The following ADGRG1 variants were observed in gnomAD, a reference collection of about 807,000 sequenced individuals.
ADGRG1 encodes the protein adhesion G protein-coupled receptor G1.
In ADGRG1, 53 loss-of-function variants were observed where a neutral mutation model predicts 73.5. That is an observed-to-expected ratio of 0.72 (90% CI 0.58 to 0.91). The LOEUF (loss-of-function observed/expected upper bound fraction) is 0.91. ADGRG1 is among the 40% of genes least tolerant of loss of function. The probability of loss-of-function intolerance (pLI) is 0.00; values close to 1 mark genes in which losing one functional copy is unlikely to be tolerated. For missense variants in ADGRG1, 795 were observed against 871.8 expected (o/e 0.91, Z 1.11); for synonymous variants, 394 against 374.4 (o/e 1.05, Z -0.60).
intron 1 of ADGRG1, chr16:57,636,720 T>G: frequency 1.0e-6 from 1 of 984,056 alleles, no homozygotes; most frequent in South Asian, 4.7e-5. Flanking sequence ...GTCTCAGTCT[T>G]CATTTACTCA....
At position 57,655,442 on chromosome 16, in the gene ADGRG1, G is replaced by A. The variant is rs575567117; in HGVS notation, c.812G>A (p.Arg271Gln). ...EIMEYSVLLP[R>Q]TLFQRTKGRS... is the part of the protein sequence containing the mutation. ...ATGGAGTACTCGGTGCTGCTGCCTC[G>A]AACACTCTTCCAGAGGACGAAAGGC... The change falls in exon 6 of 14, where the codon CGA (arginine) becomes CAA (glutamine). Residue 271 changes from arginine (R) to glutamine (Q), a missense_variant. Physicochemically the swap from Arg to Gln is conservative, Grantham distance 43. Transcript: ENST00000562631. 33 of 1,613,724 alleles carry A rather than the reference G, an allele frequency of 2.0e-5. No individual in the cohort carries two copies. The highest frequency in any genetic ancestry group is 1.9e-4 in the African/African-American group (14 of 75,022).
intron 5 of ADGRG1, 54 bp from the exon 6 acceptor site, chr16:57,655,345 G>A (rs2045431657): frequency 1.9e-6 from 3 of 1,604,170 alleles, no homozygotes; most frequent in Non-Finnish European, 1.7e-6. Flanking sequence ...GCTAGGGTGG[G>A]GGGCACGGAT....
In ADGRG1 at chr16:57,651,293, A is replaced by T; in HGVS notation, c.158A>T (p.Asp53Val). Residue 53 changes from aspartate to valine, a missense_variant, in exon 3 of 14, where the codon GAC (aspartate) becomes GTC (valine). Asp to Val is a radical substitution (Grantham distance 152). Transcript: ENST00000562631. ...AGCCTCCACTACAAACCCACACCAG[A>T]CCTGCGCATCTCCATCGAGAACTCC... is the stretch of plus-strand genomic sequence containing the variant. ...RSSLHYKPTPDLRISIENSEE... is the reference protein window; with the variant it reads ...RSSLHYKPTPVLRISIENSEE... 6.2e-7 allele frequency: 1 copy of T among 1,613,956 alleles called. No homozygotes were observed. Among genetic ancestry groups the T allele is most frequent in the Non-Finnish European group, 8.5e-7 (1 of 1,179,994 alleles).
At chr16:57,640,252 T>A (rs1359791070) in intron 1 of ADGRG1, 1 of 152,252 alleles carries the variant, frequency 6.6e-6, no homozygotes, top group East Asian at 1.9e-4. Context: ...TCAAGAGATG[T>A]GCTTTCTAAG....
intron 1 of ADGRG1, chr16:57,639,282 G>T: frequency 2.0e-6 from 2 of 985,520 alleles, no homozygotes; most frequent in African/African-American, 3.5e-5. Flanking sequence ...CCTGGGCAGC[G>T]TCTGAGTTGA....
At chr16:57,643,584 C>G (rs1258202565) in intron 1 of ADGRG1, 1 of 984,798 alleles carries the variant, frequency 1.0e-6, no homozygotes, top group African/African-American at 1.7e-5. Flanking sequence ...TCCAGCAGGT[C>G]TGGTGTAAGA....
chr16:57,620,184 A>G (rs1419497600), upstream of ADGRG1: 1 of 152,450 alleles, frequency 6.6e-6, no homozygotes, highest in African/African-American at 2.4e-5. Context: ...GTAGGGTGCC[A>G]CTGCCAGCCT....
At chr16:57,635,490 C>T (rs1391978713) in intron 1 of ADGRG1, 6 of 985,250 alleles carry the variant, frequency 6.1e-6, no homozygotes, top group African/African-American at 1.7e-5. Flanking sequence ...GGAGATCCTG[C>T]AGCAGGTGGT....
intron 1 of ADGRG1, chr16:57,646,693 A>G: frequency 1.0e-6 from 1 of 985,006 alleles, no homozygotes; most frequent in Non-Finnish European, 1.2e-6. Context: ...CCAGCTCTAC[A>G]AGGAGGGGGA....
chr16:57,652,983 C>T, intron 3 of ADGRG1: 3 of 1,419,184 alleles, frequency 2.1e-6, no homozygotes, highest in Non-Finnish European at 2.8e-6. Context: ...CCCGCTGGGG[C>T]TGGCATTGCT....
At chr16:57,635,645 G>A (rs2039165600) in intron 1 of ADGRG1, 1 of 985,178 alleles carries the variant, frequency 1.0e-6, no homozygotes, top group Non-Finnish European at 1.2e-6. Flanking sequence ...CCCCGCCCCT[G>A]TTCCCTGGGC....
chr16:57,644,773 C>CAG (rs2042042402), intron 1 of ADGRG1, among the ~76,000 whole-genome samples: 4 of 147,192 alleles, frequency 2.7e-5, no homozygotes, highest in African/African-American at 1.0e-4. Flanking sequence ...CATGCACACA[C>CAG]ACATATGCAC....
chr16:57,660,438 C>A, intron 11 of ADGRG1: 1 of 956,190 alleles, frequency 1.0e-6, no homozygotes, highest in Non-Finnish European at 1.2e-6. Context: ...AGAACTCTTG[C>A]CGTCCCTCCT....
chr16:57,651,559 T>G lies in ADGRG1; in HGVS notation c.424T>G (p.Ser142Ala), dbSNP rs753286632. 6.2e-7 allele frequency: 1 copy of G among 1,614,194 alleles called. No homozygotes were observed. Among genetic ancestry groups the G allele is most frequent in the African/African-American group, 1.3e-5 (1 of 75,070 alleles). Reference sequence around the variant, plus strand: ...CCCGCTGTTAGCCACTTCTGTCACCTCCTGGTGGAGCCCTCAGAACATCAG... The same window carrying G: ...CCCGCTGTTAGCCACTTCTGTCACCGCCTGGTGGAGCCCTCAGAACATCAG... Reference protein sequence around the residue: ...GPPLLATSVTSWWSPQNISLP... With the variant: ...GPPLLATSVTAWWSPQNISLP... Residue 142 changes from serine to alanine, a missense_variant, in exon 3 of 14, where the codon TCC becomes GCC. Coordinates refer to ENST00000562631, the MANE Select transcript of ADGRG1 (RefSeq NM_201525.4).
chr16:57,657,247 T>C (rs2045955632), intron 9 of ADGRG1, 126 bp from the exon 10 acceptor site: 3 of 1,371,910 alleles, frequency 2.2e-6, no homozygotes, highest in Non-Finnish European at 3.1e-6. Context: ...TTCTGCTCAG[T>C]TGGGAGAGGG....
At chr16:57,644,597 C>T (rs1180778293) in intron 1 of ADGRG1, among the ~76,000 whole-genome samples, 2 of 149,382 alleles carry the variant, frequency 1.3e-5, no homozygotes, top group African/African-American at 2.5e-5. Flanking sequence ...ATCACACACT[C>T]ATGCAAGGGC....
upstream of ADGRG1, among the ~76,000 whole-genome samples, chr16:57,625,899 G>T (rs1384699674): frequency 2.0e-5 from 3 of 152,120 alleles, no homozygotes; most frequent in Non-Finnish European, 4.4e-5. Flanking sequence ...CCTCTGCCTG[G>T]GGTGCCCTTC....
Position 57,638,485 on chromosome 16 carries a change from G to A in ADGRG1, c.-36+9683G>A, listed in dbSNP as rs561356460. Among the ~76,000 whole-genome samples, 10 of 152,204 alleles carry A rather than the reference G, an allele frequency of 6.6e-5. No homozygotes were observed. In the South Asian group the frequency reaches 1.2e-3, roughly 19 times the overall value. Reference sequence around the variant, plus strand: ...AAAGAGAATCTGAGCTCCCAGCCCCGCCCCGGGAGCTCTAGAAGGAAGCCA... The same window carrying A: ...AAAGAGAATCTGAGCTCCCAGCCCCACCCCGGGAGCTCTAGAAGGAAGCCA... On this transcript the variant is annotated intron_variant, in intron 1 of 13. Transcript: ENST00000562631.
intron 1 of ADGRG1, among the ~76,000 whole-genome samples, chr16:57,629,796 C>T (rs534737922): frequency 3.9e-5 from 6 of 152,304 alleles, no homozygotes; most frequent in Non-Finnish European, 5.9e-5. Context: ...CCCTGGTCCC[C>T]GCGGGGGCTG....
Sources: allele counts gnomAD v4.1 joint callset (sites outside exome capture counted in the v4.1 genomes callset), GRCh38; gene constraint gnomAD v4.1.1; transcripts MANE v1.5; gene names NCBI Gene and HGNC (gene_info 2026-07-23, HGNC 2026-07-21).